PCMT1: variants seen among roughly 807,000 people sequenced by gnomAD.
The protein encoded by PCMT1 is protein-L-isoaspartate (D-aspartate) O-methyltransferase.
Under a neutral mutation model 29.2 loss-of-function variants are expected in PCMT1, and 9 were observed. The ratio of observed to expected loss-of-function variants is 0.31; its 90% CI spans 0.19 to 0.54. The LOEUF is 0.54. Ranked by LOEUF, PCMT1 falls within the 20% of genes least tolerant of loss-of-function variation. The pLI is 0.95. For missense variants in PCMT1, 184 were observed against 282.2 expected (o/e 0.65, Z 2.49); for synonymous variants, 98 against 97.5 (o/e 1.00, Z -0.03).
chr6:149,751,744 T>C (rs1786328967), intron 1 of PCMT1, among the ~76,000 whole-genome samples: 1 of 152,070 alleles, frequency 6.6e-6, no homozygotes, highest in Admixed American at 6.6e-5. Context: ...CCTCCCAAAG[T>C]GCTGGGATTA....
intron 3 of PCMT1, among the ~76,000 whole-genome samples, chr6:149,780,618 C>A (rs556544711): frequency 6.6e-6 from 1 of 152,272 alleles, no homozygotes; most frequent in Admixed American, 6.5e-5. Context: ...AATATGTTGC[C>A]TTTTATGACT....
chr6:149,778,833 C>G (rs892532400), intron 3 of PCMT1, among the ~76,000 whole-genome samples: 1 of 152,026 alleles, frequency 6.6e-6, no homozygotes, highest in Non-Finnish European at 1.5e-5. Context: ...GCCACTGGGC[C>G]GGGCTTTCTT....
rs546366455 is a variant in PCMT1, at chr6:149,798,904, C to T, written c.504+2404C>T. On this transcript the variant is annotated intron_variant, in intron 6 of 7. Transcript: ENST00000464889. ...GAGGAATAATCAGCACTAATCTCTA[C>T]GTAAGAAATTTTCTAAAAACTGATG... is the stretch of plus-strand genomic sequence containing the variant. Among the ~76,000 whole-genome samples the T allele has an allele frequency of 1.3e-4, 20 of 152,212 alleles. No individual in the cohort carries two copies. In the East Asian group the frequency reaches 2.1e-3, roughly 16 times the overall value.
At chr6:149,784,495 G>A (rs1453533919) in intron 3 of PCMT1, among the ~76,000 whole-genome samples, 1 of 149,832 alleles carries the variant, frequency 6.7e-6, no homozygotes, top group Non-Finnish European at 1.5e-5. Flanking sequence ...TTTTGAGGCA[G>A]AGTCATGCTC....
intron 3 of PCMT1, among the ~76,000 whole-genome samples, chr6:149,783,998 A>T (rs1454014118): frequency 6.6e-6 from 1 of 152,150 alleles, no homozygotes; most frequent in Non-Finnish European, 1.5e-5. Flanking sequence ...CCTTGCCAGG[A>T]CTCCTTAAAT....
At chr6:149,776,452 A>G (rs1380799376) in intron 3 of PCMT1, among the ~76,000 whole-genome samples, 1 of 151,934 alleles carries the variant, frequency 6.6e-6, no homozygotes, top group Non-Finnish European at 1.5e-5. Context: ...GGGTTTCGCC[A>G]TGTTGGCCAG....
chr6:149,756,512 CTTTTTTTTTTTTT>C (rs61038108), intron 1 of PCMT1, among the ~76,000 whole-genome samples: 23 of 74,722 alleles, frequency 3.1e-4, no homozygotes, highest in South Asian at 4.3e-4. Context: ...CCATGACTGG[CTTTTTTTTTTTTT>C]TTTTTTTTTT....
At chr6:149,776,141 A>C (rs1233545727) in intron 3 of PCMT1, among the ~76,000 whole-genome samples, 1 of 152,216 alleles carries the variant, frequency 6.6e-6, no homozygotes, top group East Asian at 1.9e-4. Flanking sequence ...CCTGGGCAGC[A>C]AGAGTGAAAG....
rs115553002 is a variant in PCMT1 at position 149,766,848 on chromosome 6, C to T, written c.56-4314C>T. ...TTCTACCACTATGGTTTTGGCTTTT[C>T]TAGAATGTGTTAAAAATGGAATCAT... On this transcript the variant is annotated intron_variant, in intron 1 of 7. Transcript: ENST00000464889. Among the ~76,000 whole-genome samples, 1,064 of 152,216 alleles carry T rather than the reference C, an allele frequency of 7.0e-3. 9 individuals carry two copies. The highest frequency in any genetic ancestry group is 0.017 in the Middle Eastern group (5 of 294).
intron 1 of PCMT1, among the ~76,000 whole-genome samples, chr6:149,767,070 G>A (rs1032948808): frequency 6.6e-6 from 1 of 152,110 alleles, no homozygotes; most frequent in Admixed American, 6.6e-5. Flanking sequence ...TTAGCTGGAT[G>A]TGGTGGCAGG....
rs1216042986 is a variant in PCMT1, at chr6:149,749,861, C to G, written c.-41C>G. 6.3e-7 allele frequency: 1 copy of G among 1,596,192 alleles called. No individual in the cohort carries two copies. Among genetic ancestry groups the G allele is most frequent in the Non-Finnish European group, 8.5e-7 (1 of 1,171,558 alleles). The stretch of plus-strand genomic sequence containing the variant: ...GGAAAACTGCTGGGCACCGTCGTCG[C>G]GCTGAAGGTGGTTCTGTACCTGCTC... On this transcript the variant is annotated 5_prime_UTR_variant, in exon 1 of 8. Coordinates refer to ENST00000464889, the MANE Select transcript of PCMT1 (RefSeq NM_001360452.2).
rs181109017 is a variant in PCMT1, at chr6:149,756,927, G to T, written c.55+6971G>T. Among the ~76,000 whole-genome samples, 10 of 152,078 alleles carry T rather than the reference G, an allele frequency of 6.6e-5. No individual in the cohort carries two copies. In the East Asian group the frequency reaches 1.7e-3, roughly 26 times the overall value. ...CCTAGCACTTTGGGAGGCCGAGGTG[G>T]GTGGATCACCTGAGGTCAGGGGTAC... On this transcript the variant is annotated intron_variant, in intron 1 of 7. Coordinates refer to ENST00000464889, the MANE Select transcript of PCMT1 (RefSeq NM_001360452.2).
intron 1 of PCMT1, among the ~76,000 whole-genome samples, chr6:149,759,400 A>G (rs561123972): frequency 2.2e-4 from 34 of 152,312 alleles, no homozygotes; most frequent in African/African-American, 7.9e-4. Flanking sequence ...CTAATATAAT[A>G]AGGTAATATT....
chr6:149,749,718 G>T, upstream of PCMT1: 1 of 1,536,938 alleles, frequency 6.5e-7, no homozygotes. Context: ...GCGCATGCGT[G>T]CCGCGGGGGA....
chr6:149,783,331 C>T (rs191994997), intron 3 of PCMT1, among the ~76,000 whole-genome samples: 200 of 151,152 alleles, frequency 1.3e-3, no homozygotes, highest in African/African-American at 4.9e-3. Flanking sequence ...CGGGGTTTCA[C>T]CATGTTAGCC....
intron 3 of PCMT1, among the ~76,000 whole-genome samples, chr6:149,781,203 T>G (rs201836032): frequency 5.1e-5 from 2 of 38,934 alleles, no homozygotes; most frequent in South Asian, 7.8e-4. Flanking sequence ...TTTTTTTTTT[T>G]GTTTTTTTTT....
At chr6:149,760,594 C>G (rs1347149742) in intron 1 of PCMT1, among the ~76,000 whole-genome samples, 1 of 152,098 alleles carries the variant, frequency 6.6e-6, no homozygotes, top group African/African-American at 2.4e-5. Context: ...TGGCTCATGC[C>G]TGTAATCCCA....
At chr6:149,751,571 T>C (rs1037925409) in intron 1 of PCMT1, among the ~76,000 whole-genome samples, 10 of 143,480 alleles carry the variant, frequency 7.0e-5, no homozygotes, top group Admixed American at 2.1e-4. Context: ...AACCTCCGCC[T>C]CCCAGGTTCA....
At chr6:149,754,350 C>T (rs1786438276) in intron 1 of PCMT1, among the ~76,000 whole-genome samples, 1 of 152,124 alleles carries the variant, frequency 6.6e-6, no homozygotes, top group Non-Finnish European at 1.5e-5. Context: ...AACAAATTAG[C>T]TTAATTTGAA....
Sources: allele counts gnomAD v4.1 joint callset (sites outside exome capture counted in the v4.1 genomes callset), GRCh38; gene constraint gnomAD v4.1.1; transcripts MANE v1.5; gene names NCBI Gene and HGNC (gene_info 2026-07-23, HGNC 2026-07-21).